Variants in CFAP53 observed in about 807,000 individuals in gnomAD.
CFAP53 encodes cilia- and flagella-associated protein 53.
CFAP53 carries 62 observed loss-of-function variants against 59.7 expected under a neutral mutation model. That is an observed-to-expected ratio of 1.04 (90% CI 0.85 to 1.28). The LOEUF (loss-of-function observed/expected upper bound fraction) is 1.28. CFAP53 is among the 50% of genes most tolerant of loss of function. The pLI is 0.00. For missense variants in CFAP53, 629 were observed against 615.6 expected (o/e 1.02, Z -0.23); for synonymous variants, 218 against 205.7 (o/e 1.06, Z -0.51).
intron 6 of CFAP53, among the ~76,000 whole-genome samples, chr18:50,241,387 C>G (rs1055575979): frequency 2.0e-5 from 3 of 152,118 alleles, no homozygotes. Flanking sequence ...TGGGAGAACA[C>G]AGAGGGCCGC....
chr18:50,253,599 T>G (rs1166511784), intron 3 of CFAP53, among the ~76,000 whole-genome samples: 1 of 152,244 alleles, frequency 6.6e-6, no homozygotes, highest in Non-Finnish European at 1.5e-5. Flanking sequence ...ATATGAACTC[T>G]TGTAATCTTC....
intron 5 of CFAP53, among the ~76,000 whole-genome samples, chr18:50,246,356 G>A (rs2033744747): frequency 6.6e-6 from 1 of 152,186 alleles, no homozygotes. Context: ...AGGGTGATAA[G>A]ACAATTCAAT....
rs187679400 is a variant in CFAP53 at position 50,231,534 on chromosome 18, C to T, written c.1317-3925G>A. 1.6e-4 allele frequency among the ~76,000 whole-genome samples: 25 copies of T among 152,320 alleles called. No individual in the cohort carries two copies. In the South Asian group the frequency reaches 1.9e-3, roughly 11 times the overall value. ...CACTCCTGTGGGACTGAAAGGTATCCGTGTGGAAGCATCTAACTACCACCT... is the reference window on the plus strand; with the variant it reads ...CACTCCTGTGGGACTGAAAGGTATCTGTGTGGAAGCATCTAACTACCACCT... On this transcript the variant is annotated intron_variant, in intron 7 of 7. Transcript: ENST00000398545.
At chr18:50,227,807 T>C (rs2033540122) in intron 7 of CFAP53, among the ~76,000 whole-genome samples, 198 bp from the exon 8 acceptor site, 1 of 152,040 alleles carries the variant, frequency 6.6e-6, no homozygotes, top group African/African-American at 2.4e-5. Context: ...AGGACAAATA[T>C]TGATTTTAGA....
rs542836688 is a variant in CFAP53, at chr18:50,245,032, G to A, written c.997-1916C>T. Among the ~76,000 whole-genome samples the A allele has an allele frequency of 6.0e-5, 8 of 132,308 alleles. No individual in the cohort carries two copies. In the East Asian group the frequency reaches 9.3e-4, roughly 15 times the overall value. The allele number at this position is 132,308 out of a possible 152,430, so 86.8% of individuals were successfully genotyped here. Reference sequence around the variant, plus strand: ...GAGCCAAGAACATGCCACTGCACTCGAGCCTGGGTGACAGAATGAGACTCT... The same window carrying A: ...GAGCCAAGAACATGCCACTGCACTCAAGCCTGGGTGACAGAATGAGACTCT... On this transcript the variant is annotated intron_variant, in intron 5 of 7. Coordinates refer to ENST00000398545, the MANE Select transcript of CFAP53 (RefSeq NM_145020.5).
chr18:50,243,158 T>C (rs2033709062), intron 5 of CFAP53, 42 bp from the exon 6 acceptor site: 1 of 1,446,104 alleles, frequency 6.9e-7, no homozygotes, highest in Non-Finnish European at 9.7e-7. Flanking sequence ...TTTTTTGGTG[T>C]GATACTATAG....
chr18:50,251,802 A>G lies in CFAP53; in HGVS notation c.474-18T>C, dbSNP rs35295154. On this transcript the variant is annotated intron_variant, in intron 3 of 7. Transcript: ENST00000398545. ...AGCGTTCCCTGAAAGGAAAATTTTA[A>G]AAAGACAAAACCCAGCCTTTCGTGA... 0.37 allele frequency: 594,579 copies of G among 1,606,260 alleles called. 118,020 individuals are homozygous for G. Among genetic ancestry groups the G allele is most frequent in the Non-Finnish European group, 0.41 (483,779 of 1,175,182 alleles).
At chr18:50,228,959 G>A (rs2033553697) in intron 7 of CFAP53, among the ~76,000 whole-genome samples, 1 of 151,898 alleles carries the variant, frequency 6.6e-6, no homozygotes, top group Admixed American at 6.6e-5. Context: ...AACTAGCCAG[G>A]CATGGTGGCA....
chr18:50,227,963 T>TA (rs1275053928), intron 7 of CFAP53, among the ~76,000 whole-genome samples: 1 of 130,912 alleles, frequency 7.6e-6, no homozygotes, highest in African/African-American at 2.8e-5. Context: ...TCCTTTTTTT[T>TA]TTTTTTTTTT....
chr18:50,228,073 C>T (rs1019619606), intron 7 of CFAP53, among the ~76,000 whole-genome samples: 2 of 145,880 alleles, frequency 1.4e-5, no homozygotes. Context: ...AATTCTCTGC[C>T]TCAGCCACCC....
At chr18:50,239,836 G>T (rs1438905683) in intron 6 of CFAP53, among the ~76,000 whole-genome samples, 1 of 152,166 alleles carries the variant, frequency 6.6e-6, no homozygotes, top group African/African-American at 2.4e-5. Flanking sequence ...ACAAAGCTGT[G>T]AATAGTAGCT....
chr18:50,262,559 T>C (rs1254391360), intron 1 of CFAP53, among the ~76,000 whole-genome samples: 3 of 152,208 alleles, frequency 2.0e-5, no homozygotes, highest in Non-Finnish European at 4.4e-5. Flanking sequence ...TTGCTTCAAA[T>C]AGGGCAGATA....
intron 5 of CFAP53, among the ~76,000 whole-genome samples, 167 bp from the exon 6 acceptor site, chr18:50,243,283 C>T (rs146705509): frequency 1.2e-4 from 18 of 151,986 alleles, no homozygotes; most frequent in Non-Finnish European, 1.8e-4. Context: ...TCAAGAGTAG[C>T]GGGGGAAATG....
At position 50,255,619 on chromosome 18, in the gene CFAP53, T is replaced by A. The variant is rs566442052; in HGVS notation, c.474-3835A>T. ...AATTTTTTCTTGTCATTATTATCCA[T>A]TTCATTTCATTATTATTGCTGAAAA... On this transcript the variant is annotated intron_variant, in intron 3 of 7. Transcript: ENST00000398545. Among the ~76,000 whole-genome samples the A allele has an allele frequency of 1.1e-4, 16 of 152,054 alleles. No individual in the cohort carries two copies. In the East Asian group the frequency reaches 3.1e-3, roughly 29 times the overall value.
chr18:50,251,009 A>G (rs1452888462), intron 4 of CFAP53, 33 bp from the exon 5 acceptor site: 1 of 1,567,428 alleles, frequency 6.4e-7, no homozygotes, highest in Non-Finnish European at 8.8e-7. Context: ...ATAATGCATC[A>G]GTACAGTTGG....
intron 5 of CFAP53, among the ~76,000 whole-genome samples, chr18:50,248,002 A>G (rs2033760920): frequency 6.6e-6 from 1 of 152,174 alleles, no homozygotes; most frequent in Non-Finnish European, 1.5e-5. Flanking sequence ...CAACAGGAAA[A>G]AGAAATCAAA....
intron 1 of CFAP53, among the ~76,000 whole-genome samples, chr18:50,262,445 G>A (rs2033902701): frequency 6.6e-6 from 1 of 152,160 alleles, no homozygotes; most frequent in Non-Finnish European, 1.5e-5. Flanking sequence ...TTTCTAATGT[G>A]CCATTTGAAA....
chr18:50,242,072 C>A (rs1319579879), intron 6 of CFAP53, among the ~76,000 whole-genome samples: 1 of 152,216 alleles, frequency 6.6e-6, no homozygotes, highest in African/African-American at 2.4e-5. Flanking sequence ...AGCAATATTT[C>A]TCCTACTCGC....
chr18:50,236,372 G>A (rs1296361219), intron 7 of CFAP53, among the ~76,000 whole-genome samples: 6 of 152,252 alleles, frequency 3.9e-5, no homozygotes, highest in Admixed American at 6.5e-5. Flanking sequence ...CTAGTTATGC[G>A]CTTCAGCAAT....
Sources: gnomAD v4.1 joint callset for allele counts (sites outside exome capture counted in the v4.1 genomes callset) on GRCh38, gnomAD v4.1.1 for gene constraint, MANE v1.5 for transcripts, NCBI Gene and HGNC (gene_info 2026-07-23, HGNC 2026-07-21) for gene names.